CTNNBL1: variants seen among roughly 807,000 people sequenced by gnomAD.
CTNNBL1 encodes catenin beta like 1.
CTNNBL1 carries 31 observed loss-of-function variants against 72.7 expected under a neutral mutation model. The observed-to-expected ratio is 0.43, with a 90% CI of 0.32 to 0.58. CTNNBL1 has a LOEUF of 0.58. CTNNBL1 is among the 20% of genes least tolerant of loss of function. The probability of loss-of-function intolerance (pLI) is 0.08; values close to 1 mark genes in which losing one functional copy is unlikely to be tolerated. For synonymous variants in CTNNBL1, 240 were observed against 267.3 expected (o/e 0.90, Z 1.00); for missense variants, 534 against 725.1 (o/e 0.74, Z 3.03).
At chr20:37,839,806 T>G (rs1331465634) in intron 11 of CTNNBL1, among the ~76,000 whole-genome samples, 2 of 152,266 alleles carry the variant, frequency 1.3e-5, no homozygotes, top group African/African-American at 4.8e-5. Context: ...TTTGAGATTC[T>G]GTTGTGGACA....
chr20:37,846,878 T>C (rs1435980140), intron 13 of CTNNBL1, among the ~76,000 whole-genome samples: 1 of 152,200 alleles, frequency 6.6e-6, no homozygotes, highest in Non-Finnish European at 1.5e-5. Context: ...GAGAGCCCTA[T>C]CTCCCTAGCT....
intron 1 of CTNNBL1, among the ~76,000 whole-genome samples, chr20:37,707,132 T>A (rs2072892378): frequency 6.6e-6 from 1 of 152,188 alleles, no homozygotes. Context: ...CAGGGTAGAT[T>A]TAGCATAATT....
chr20:37,859,967 T>C lies in CTNNBL1; in HGVS notation c.1461T>C (p.Asp487=). ...AGGAGTTCTACCTCCGGCGCCTGGA[T>C]GCGGGGCTCTTTGTTCTCCAGCACA... The part of the protein sequence containing the change: ...TEEEFYLRRL[D]AGLFVLQHIC... Residue 487 remains aspartate (D), a synonymous_variant, in exon 14 of 16, where the codon GAT becomes GAC. Transcript: ENST00000361383. 6.2e-7 allele frequency: 1 copy of C among 1,614,212 alleles called. No individual in the cohort carries two copies. The highest frequency in any genetic ancestry group is 8.5e-7 in the Non-Finnish European group (1 of 1,180,040).
At chr20:37,816,470 G>C (rs1261228024) in intron 11 of CTNNBL1, among the ~76,000 whole-genome samples, 2 of 152,206 alleles carry the variant, frequency 1.3e-5, no homozygotes, top group Non-Finnish European at 2.9e-5. Context: ...TGTGACTTGA[G>C]TGTCGTTTGT....
chr20:37,752,561 T>G (rs1474935657), intron 4 of CTNNBL1, among the ~76,000 whole-genome samples: 1 of 152,108 alleles, frequency 6.6e-6, no homozygotes, highest in Non-Finnish European at 1.5e-5. Context: ...TTTCTCTTTT[T>G]TTTTTTTAAT....
At chr20:37,760,824 G>A (rs2122652688) in intron 5 of CTNNBL1, among the ~76,000 whole-genome samples, 1 of 152,284 alleles carries the variant, frequency 6.6e-6, no homozygotes, top group African/African-American at 2.4e-5. Context: ...GGTTAAAATT[G>A]TATGTATCAT....
chr20:37,773,410 G>T (rs2073543006), intron 7 of CTNNBL1, among the ~76,000 whole-genome samples: 1 of 152,154 alleles, frequency 6.6e-6, no homozygotes, highest in South Asian at 2.1e-4. Flanking sequence ...TTTATTCAAG[G>T]CTAGTACATG....
At chr20:37,765,989 G>A (rs1600474121) in intron 6 of CTNNBL1, among the ~76,000 whole-genome samples, 7 of 152,238 alleles carry the variant, frequency 4.6e-5, no homozygotes, top group Admixed American at 3.9e-4. Context: ...TGACATATCT[G>A]TAAACAGAGC....
At chr20:37,720,925 T>C (rs1245953149) in intron 1 of CTNNBL1, among the ~76,000 whole-genome samples, 1 of 152,190 alleles carries the variant, frequency 6.6e-6, no homozygotes, top group East Asian at 1.9e-4. Flanking sequence ...CTGGGAGAGA[T>C]CTGATACAGT....
chr20:37,812,856 A>G (rs2072024022), intron 11 of CTNNBL1, among the ~76,000 whole-genome samples: 1 of 152,322 alleles, frequency 6.6e-6, no homozygotes, highest in East Asian at 1.9e-4. Context: ...AGAAGGAAGT[A>G]TGAGGCGCTG....
intron 1 of CTNNBL1, among the ~76,000 whole-genome samples, chr20:37,717,421 T>A (rs1390019344): frequency 6.6e-6 from 1 of 152,152 alleles, no homozygotes; most frequent in African/African-American, 2.4e-5. Context: ...GTATCAGCAT[T>A]TGTGTCATCC....
At chr20:37,844,429 C>A (rs1176296560) in intron 13 of CTNNBL1, among the ~76,000 whole-genome samples, 1 of 152,134 alleles carries the variant, frequency 6.6e-6, no homozygotes, top group African/African-American at 2.4e-5. Flanking sequence ...GGTAACTCTG[C>A]CATTTTTGGA....
intron 1 of CTNNBL1, chr20:37,695,106 G>T (rs867554313): frequency 2.6e-5 from 4 of 152,116 alleles, no homozygotes; most frequent in Admixed American, 6.5e-5. Flanking sequence ...TTACATGATC[G>T]TACTGATTAT....
At chr20:37,840,752 A>G (rs1338456010) in intron 12 of CTNNBL1, among the ~76,000 whole-genome samples, 2 of 152,194 alleles carry the variant, frequency 1.3e-5, no homozygotes. Context: ...ACTCAATTAC[A>G]TGAAATTAGA....
At chr20:37,784,711 T>C (rs1402830282) in intron 10 of CTNNBL1, among the ~76,000 whole-genome samples, 2 of 152,232 alleles carry the variant, frequency 1.3e-5, no homozygotes, top group African/African-American at 4.8e-5. Context: ...GAAAAGTTGT[T>C]GTAATTATTT....
At chr20:37,859,061 A>G (rs1470335162) in intron 13 of CTNNBL1, among the ~76,000 whole-genome samples, 1 of 152,116 alleles carries the variant, frequency 6.6e-6, no homozygotes, top group Non-Finnish European at 1.5e-5. Context: ...CCCACCATAA[A>G]TTGAAAATAT....
chr20:37,717,979 CA>C (rs1484844443), intron 1 of CTNNBL1, among the ~76,000 whole-genome samples: 1 of 152,192 alleles, frequency 6.6e-6, no homozygotes, highest in Non-Finnish European at 1.5e-5. Context: ...TAGTACAGAA[CA>C]AAATGAAAAG....
rs776777836 is a variant in CTNNBL1 at position 37,814,864 on chromosome 20, T to C, written c.1213+11816T>C. On this transcript the variant is annotated intron_variant, in intron 11 of 15. Transcript: ENST00000361383. Reference sequence around the variant, plus strand: ...ACTTTCTCTCTGTGCCACTAGAAGATTTTTGAATGGTGGGTCTTTGGGGGA... The same window carrying C: ...ACTTTCTCTCTGTGCCACTAGAAGACTTTTGAATGGTGGGTCTTTGGGGGA... Among the ~76,000 whole-genome samples the C allele has an allele frequency of 1.2e-4, 19 of 152,174 alleles. 1 individual carries two copies. The highest frequency in any genetic ancestry group is 2.5e-4 in the Non-Finnish European group (17 of 68,028).
chr20:37,784,809 G>A (rs2122702398), intron 10 of CTNNBL1, among the ~76,000 whole-genome samples: 1 of 152,266 alleles, frequency 6.6e-6, no homozygotes, highest in East Asian at 1.9e-4. Flanking sequence ...GTGTTTTTCT[G>A]TGTACTTATG....
Sources: allele counts gnomAD v4.1 joint callset (sites outside exome capture counted in the v4.1 genomes callset), GRCh38; gene constraint gnomAD v4.1.1; transcripts MANE v1.5; gene names NCBI Gene and HGNC (gene_info 2026-07-23, HGNC 2026-07-21).